The following TSC22D1 variants were observed in gnomAD, a reference collection of about 807,000 sequenced individuals.
TSC22D1 encodes TSC22 domain family member 1.
In TSC22D1, 9 loss-of-function variants were observed where a neutral mutation model predicts 74.2. The observed-to-expected ratio is 0.12, with a 90% CI of 0.07 to 0.21. The LOEUF (loss-of-function observed/expected upper bound fraction) is 0.21. TSC22D1 is among the 10% of genes least tolerant of loss of function. The pLI is 1.00. For missense variants in TSC22D1, 1,427 were observed against 1,304.7 expected, an observed-to-expected ratio of 1.09 and a Z score of -1.44; for synonymous variants, 586 against 492.5, an observed-to-expected ratio of 1.19 and a Z score of -2.51.
chr13:44,535,959 T>C (rs1312117121), intron 1 of TSC22D1, among the ~76,000 whole-genome samples: 1 of 151,998 alleles, frequency 6.6e-6, no homozygotes, highest in African/African-American at 2.4e-5. Context: ...GAAAAGCTTA[T>C]AGATTTTTTT....
chr13:44,504,342 T>C (rs993297730), intron 1 of TSC22D1, among the ~76,000 whole-genome samples: 1 of 151,788 alleles, frequency 6.6e-6, no homozygotes, highest in Non-Finnish European at 1.5e-5. Context: ...GTGGGCCCAG[T>C]AGCTCATGCC....
rs572048670 is a variant in TSC22D1 at position 44,433,858 on chromosome 13, C to T, written c.*768G>A. 118 of 880,758 alleles carry T rather than the reference C, an allele frequency of 1.3e-4. No individual in the cohort carries two copies. Among genetic ancestry groups the T allele is most frequent in the Non-Finnish European group, 1.8e-4 (113 of 620,200 alleles). 54.6% of individuals were successfully genotyped at this position (880,758 alleles called of 1,614,324 possible). ...GTCATGTAGCAGTTTTTATGTAGAT[C>T]TATATATAAAAGTCCACACCTCCTC... is the stretch of plus-strand genomic sequence containing the variant. On this transcript the variant is annotated 3_prime_UTR_variant, in exon 3 of 3. Coordinates refer to ENST00000458659, the MANE Select transcript of TSC22D1 (RefSeq NM_183422.4).
Position 44,574,601 on chromosome 13 carries a change from G to A in TSC22D1, c.1474C>T (p.Pro492Ser). The A allele has an allele frequency of 6.2e-7, 1 of 1,613,900 alleles. No homozygotes were observed. The highest frequency in any genetic ancestry group is 8.5e-7 in the Non-Finnish European group (1 of 1,179,996). The change falls in exon 1 of 3, where the codon CCT (proline) becomes TCT (serine). Residue 492 changes from proline (P) to serine (S), a missense_variant. Pro to Ser is a moderately conservative substitution (Grantham distance 74). Around this residue, in one of 3 missense-constraint regions of TSC22D1, gnomAD observed 1,343 missense variants for 1,191.5 expected, o/e 1.13. Coordinates refer to ENST00000458659, the MANE Select transcript of TSC22D1 (RefSeq NM_183422.4). The stretch of plus-strand genomic sequence containing the variant: ...TGCTGCTGCTGCACCACCACAGTAG[G>A]GGCTCCCATCTCTCCACTTCCCACA... ...ESVGSGEMGA[P>S]TVVVQQQQQQ...
At position 44,433,871 on chromosome 13, in the gene TSC22D1, T is replaced by G. The variant is rs1442117535; in HGVS notation, c.*755A>C. 1 of 1,058,886 alleles carries G rather than the reference T, an allele frequency of 9.4e-7. No homozygotes were observed. The highest frequency in any genetic ancestry group is 1.3e-6 in the Non-Finnish European group (1 of 767,084). The allele number at this position is 1,058,886 out of a possible 1,614,324, so 65.6% of individuals were successfully genotyped here. On this transcript the variant is annotated 3_prime_UTR_variant, in exon 3 of 3. Coordinates refer to ENST00000458659, the MANE Select transcript of TSC22D1 (RefSeq NM_183422.4). ...TTTTATGTAGATCTATATATAAAAG[T>G]CCACACCTCCTCAGACAGCCAATGA...
At chr13:44,510,219 T>TAAA (rs760309642) in intron 1 of TSC22D1, among the ~76,000 whole-genome samples, 4 of 130,122 alleles carry the variant, frequency 3.1e-5, no homozygotes, top group African/African-American at 1.1e-4. Flanking sequence ...CCCTGTCTAC[T>TAAA]AAAAAAAAAA....
intron 1 of TSC22D1, among the ~76,000 whole-genome samples, chr13:44,559,654 G>C (rs1882905584): frequency 6.6e-6 from 1 of 151,684 alleles, no homozygotes; most frequent in South Asian, 2.1e-4. Context: ...TAAATGCTGG[G>C]ATTACTGGTG....
chr13:44,526,249 T>C lies in TSC22D1; in HGVS notation c.2912+46914A>G, dbSNP rs374042121. Among the ~76,000 whole-genome samples the C allele has an allele frequency of 2.6e-5, 4 of 152,142 alleles. No individual in the cohort carries two copies. The East Asian group carries it at 5.8e-4, about 22-fold the overall frequency. ...CAATTATTAGGCCAACAATTGCAAATAACTACTAACATGCTAAGGGCTCTA... is the reference window on the plus strand; with the variant it reads ...CAATTATTAGGCCAACAATTGCAAACAACTACTAACATGCTAAGGGCTCTA... On this transcript the variant is annotated intron_variant, in intron 1 of 2. Transcript: ENST00000458659.
At chr13:44,518,037 T>G (rs1163371536) in intron 1 of TSC22D1, among the ~76,000 whole-genome samples, 1 of 146,554 alleles carries the variant, frequency 6.8e-6, no homozygotes, top group Non-Finnish European at 1.5e-5. Flanking sequence ...TTTTTTTTTT[T>G]GTAGAGACAG....
In TSC22D1 at chr13:44,519,748, A is replaced by G. The variant is rs149474804; in HGVS notation, c.2912+53415T>C. On this transcript the variant is annotated intron_variant, in intron 1 of 2. Coordinates refer to ENST00000458659, the MANE Select transcript of TSC22D1 (RefSeq NM_183422.4). ...GAATTTCATTAGCATAAGGTTATAT[A>G]CAAGGAGACCAATTAGAACTCTTGC... Among the ~76,000 whole-genome samples, 7 of 152,300 alleles carry G rather than the reference A, an allele frequency of 4.6e-5. No individual in the cohort carries two copies. In the East Asian group the frequency reaches 1.4e-3, roughly 29 times the overall value.
intron 1 of TSC22D1, among the ~76,000 whole-genome samples, chr13:44,531,683 A>C (rs772399186): frequency 3.9e-5 from 6 of 152,344 alleles, no homozygotes; most frequent in Admixed American, 6.5e-5. Flanking sequence ...TTAGATGTAC[A>C]TGCAACCATT....
intron 2 of TSC22D1, 56 bp from the exon 3 acceptor site, chr13:44,434,939 T>C: frequency 1.1e-5 from 16 of 1,470,908 alleles, no homozygotes; most frequent in South Asian, 9.1e-5. Flanking sequence ...TGGACTCTTT[T>C]GAGTTTCCAA....
At chr13:44,463,561 T>C (rs777332809) in intron 1 of TSC22D1, among the ~76,000 whole-genome samples, 6 of 152,206 alleles carry the variant, frequency 3.9e-5, no homozygotes, top group Admixed American at 1.3e-4. Flanking sequence ...ATTAGGAGGT[T>C]TGCATAAAGA....
rs545103469 is a variant in TSC22D1 at position 44,443,024 on chromosome 13, A to G, written c.2913-6929T>C. Among the ~76,000 whole-genome samples, 697 of 141,814 alleles carry G rather than the reference A, an allele frequency of 4.9e-3. 6 individuals carry two copies. The highest frequency in any genetic ancestry group is 0.016 in the African/African-American group (613 of 38,672). The allele number at this position is 141,814 out of a possible 152,430, so 93.0% of individuals were successfully genotyped here. A position where few individuals can be genotyped will look rare whatever the true frequency, so the allele number is the denominator to read the frequency against. On this transcript the variant is annotated intron_variant, in intron 1 of 2. Coordinates refer to ENST00000458659, the MANE Select transcript of TSC22D1 (RefSeq NM_183422.4). ...AAATATATCTGTAGTGAAGTCCCTG[A>G]AAAAAAAAAAAAAGGAGAGAAAACA...
At chr13:44,504,862 T>C (rs548953367) in intron 1 of TSC22D1, among the ~76,000 whole-genome samples, 1 of 152,146 alleles carries the variant, frequency 6.6e-6, no homozygotes, top group African/African-American at 2.4e-5. Context: ...CTATCAAATA[T>C]ATGTTAAAGG....
intron 1 of TSC22D1, among the ~76,000 whole-genome samples, chr13:44,518,999 GAA>G (rs1374647207): frequency 6.6e-6 from 1 of 152,162 alleles, no homozygotes; most frequent in African/African-American, 2.4e-5. Context: ...TGAAAGGCCT[GAA>G]ACAGTGGATT....
chr13:44,537,838 T>C (rs940154109), intron 1 of TSC22D1: 32 of 985,090 alleles, frequency 3.2e-5, no homozygotes, highest in Admixed American at 6.2e-5. Flanking sequence ...CTTTAGCAAA[T>C]GTGGCTTCTA....
At chr13:44,442,914 C>CAA (rs386378995) in intron 1 of TSC22D1, among the ~76,000 whole-genome samples, 36,039 of 86,526 alleles carry the variant, frequency 0.42, 8,233 homozygotes, top group Non-Finnish European at 0.44. Context: ...GAGACTCTGT[C>CAA]AAAAAAAAAA....
At chr13:44,465,579 G>T (rs199939077) in intron 1 of TSC22D1, among the ~76,000 whole-genome samples, 1 of 152,162 alleles carries the variant, frequency 6.6e-6, no homozygotes, top group African/African-American at 2.4e-5. Context: ...TAGACCAGAG[G>T]GGGCACTGGC....
intron 1 of TSC22D1, among the ~76,000 whole-genome samples, chr13:44,519,420 G>A (rs551856081): frequency 1.2e-4 from 19 of 152,216 alleles, no homozygotes; most frequent in Middle Eastern, 3.4e-3. Flanking sequence ...GAAATGGCAC[G>A]CAAAAATGTA....
Sources: allele counts gnomAD v4.1 joint callset (sites outside exome capture counted in the v4.1 genomes callset), GRCh38; gene constraint gnomAD v4.1.1; regional missense constraint gnomAD v4.1.1; transcripts MANE v1.5; gene names NCBI Gene and HGNC (gene_info 2026-07-23, HGNC 2026-07-21).